MAP4: variants seen among roughly 807,000 people sequenced by gnomAD.
MAP4 encodes the protein microtubule-associated protein 4.
MAP4 carries 76 observed loss-of-function variants against 170.2 expected under a neutral mutation model. The observed-to-expected ratio is 0.45, with a 90% CI of 0.37 to 0.54. The LOEUF is 0.54. Ranked by LOEUF, MAP4 falls within the 20% of genes least tolerant of loss-of-function variation. MAP4 has a pLI of 0.00. For synonymous variants in MAP4, 909 were observed against 994.5 expected (o/e 0.91, Z 1.62); for missense variants, 2,506 against 2,748.0 (o/e 0.91, Z 1.97).
intron 1 of MAP4, among the ~76,000 whole-genome samples, chr3:48,009,032 C>T (rs914359558): frequency 1.3e-5 from 2 of 152,140 alleles, no homozygotes; most frequent in Admixed American, 6.5e-5. Context: ...GATATGGGTT[C>T]GCCTATCCTG....
At chr3:48,061,455 A>G (rs1364834530) in intron 1 of MAP4, among the ~76,000 whole-genome samples, 1 of 152,012 alleles carries the variant, frequency 6.6e-6, no homozygotes, top group Non-Finnish European at 1.5e-5. Context: ...AGGCCTCCTG[A>G]GGTGCCGGGA....
intron 1 of MAP4, among the ~76,000 whole-genome samples, chr3:48,075,273 C>A (rs1446250726): frequency 1.3e-5 from 2 of 152,078 alleles, no homozygotes; most frequent in African/African-American, 4.8e-5. Flanking sequence ...ACCTGTAATC[C>A]CAGAACTTTG....
chr3:47,890,868 C>G (rs987372958), intron 10 of MAP4, among the ~76,000 whole-genome samples: 1 of 152,162 alleles, frequency 6.6e-6, no homozygotes, highest in Non-Finnish European at 1.5e-5. Context: ...TTGCCTCACT[C>G]CCAGCAAGCT....
At chr3:47,961,274 G>A (rs753810377) in intron 3 of MAP4, among the ~76,000 whole-genome samples, 62 of 152,170 alleles carry the variant, frequency 4.1e-4, no homozygotes, top group African/African-American at 1.4e-3. Flanking sequence ...GGCTGAGGCC[G>A]GAGGATTGCT....
At chr3:47,971,162 T>C (rs2100078499) in intron 3 of MAP4, among the ~76,000 whole-genome samples, 1 of 152,232 alleles carries the variant, frequency 6.6e-6, no homozygotes, top group East Asian at 1.9e-4. Flanking sequence ...ACTCATTAAC[T>C]GGAAAATGAA....
intron 3 of MAP4, chr3:47,974,524 T>C: frequency 1.0e-6 from 1 of 981,190 alleles, no homozygotes. Context: ...TATAAGAAGC[T>C]GCATAATCAG....
chr3:48,030,860 A>G (rs997227540), intron 1 of MAP4, among the ~76,000 whole-genome samples: 1 of 152,082 alleles, frequency 6.6e-6, no homozygotes, highest in Non-Finnish European at 1.5e-5. Context: ...AGTCAACTAA[A>G]AAAGTTCCCA....
At chr3:47,854,112 G>A (rs1040102397) in intron 19 of MAP4, among the ~76,000 whole-genome samples, 5 of 152,126 alleles carry the variant, frequency 3.3e-5, no homozygotes, top group African/African-American at 7.2e-5. Context: ...AATAGGCCTC[G>A]ATTAAAAACA....
chr3:48,087,301 C>CA (rs1223752616), intron 1 of MAP4, among the ~76,000 whole-genome samples: 1 of 152,170 alleles, frequency 6.6e-6, no homozygotes, highest in Non-Finnish European at 1.5e-5. Context: ...TCCTGCTTAG[C>CA]AACTTTAATG....
In MAP4 at chr3:47,910,559, C is replaced by A. The variant is rs1263102949; in HGVS notation, c.3862G>T (p.Gly1288Cys). ...TPTVEAVDRK[G>C]GNFQVNFVEL... ...ACAAAATTAACCTGAAAATTTCCAC[C>A]CTTCCTGTCAACTGCTTCCACTGTG... Residue 1288 changes from glycine to cysteine, a missense_variant, in exon 9 of 21, where the codon GGT becomes TGT. By Grantham distance (159) the Gly-to-Cys change is radical. This residue lies in a region of MAP4 where 2,008 missense variants were observed against 2,206.0 expected (regional missense o/e 0.91). Coordinates refer to ENST00000683076, the MANE Select transcript of MAP4 (RefSeq NM_001385682.1). 14 of 1,536,068 alleles carry A rather than the reference C, an allele frequency of 9.1e-6. No individual in the cohort carries two copies. Among genetic ancestry groups the A allele is most frequent in the Non-Finnish European group, 1.2e-5 (14 of 1,146,900 alleles).
chr3:48,004,506 C>T (rs1234155382), intron 1 of MAP4, among the ~76,000 whole-genome samples: 4 of 152,178 alleles, frequency 2.6e-5, no homozygotes, highest in Non-Finnish European at 5.9e-5. Flanking sequence ...TGTTTCCTGG[C>T]TTCAGAAGCA....
chr3:47,994,425 C>T (rs2100094179), intron 2 of MAP4, among the ~76,000 whole-genome samples: 1 of 152,144 alleles, frequency 6.6e-6, no homozygotes, highest in African/African-American at 2.4e-5. Flanking sequence ...TTAACTTACC[C>T]TCATCAGTCA....
chr3:48,041,834 G>A (rs1333225799), intron 1 of MAP4, among the ~76,000 whole-genome samples: 1 of 152,148 alleles, frequency 6.6e-6, no homozygotes, highest in Non-Finnish European at 1.5e-5. Context: ...CAAGGTTGAC[G>A]GACACATACT....
At chr3:47,871,192 G>A (rs1318837365) in intron 14 of MAP4, 35 bp downstream of exon 14, 1 of 1,613,592 alleles carries the variant, frequency 6.2e-7, no homozygotes, top group Non-Finnish European at 8.5e-7. Flanking sequence ...GGGGGTTCAA[G>A]TTAGGGCTCT....
chr3:48,049,921 G>C (rs999359619), intron 1 of MAP4, among the ~76,000 whole-genome samples: 2 of 151,406 alleles, frequency 1.3e-5, no homozygotes, highest in Non-Finnish European at 2.9e-5. Context: ...TTGGGCAACA[G>C]AGTGAGACTT....
chr3:48,046,821 G>A (rs1033515592), intron 1 of MAP4, among the ~76,000 whole-genome samples: 3 of 152,136 alleles, frequency 2.0e-5, no homozygotes, highest in Non-Finnish European at 4.4e-5. Flanking sequence ...TTAGCCGGGC[G>A]CGGTGGCTCA....
intron 3 of MAP4, among the ~76,000 whole-genome samples, chr3:47,937,716 C>T (rs1241060927): frequency 2.8e-5 from 4 of 141,986 alleles, no homozygotes; most frequent in East Asian, 2.1e-4. Flanking sequence ...GGCTGGAGCG[C>T]GATAGCACAA....
At chr3:48,081,107 G>C (rs893898998) in intron 1 of MAP4, among the ~76,000 whole-genome samples, 7 of 151,886 alleles carry the variant, frequency 4.6e-5, no homozygotes, top group Non-Finnish European at 8.8e-5. Context: ...CCAGGCGACA[G>C]AGCGAGACTC....
intron 2 of MAP4, among the ~76,000 whole-genome samples, chr3:47,985,019 C>G (rs955372908): frequency 1.4e-4 from 21 of 151,904 alleles, no homozygotes; most frequent in African/African-American, 5.1e-4. Context: ...GTGGCTCATG[C>G]CTGTAATCCC....
Sources: allele counts gnomAD v4.1 joint callset (sites outside exome capture counted in the v4.1 genomes callset), GRCh38; gene constraint gnomAD v4.1.1; regional missense constraint gnomAD v4.1.1; transcripts MANE v1.5; gene names NCBI Gene and HGNC (gene_info 2026-07-23, HGNC 2026-07-21).